Variants in SPRED1 observed in about 807,000 individuals in gnomAD.
The protein encoded by SPRED1 is sprouty related EVH1 domain containing 1.
SPRED1 carries 18 observed loss-of-function variants against 52.3 expected under a neutral mutation model. The ratio of observed to expected loss-of-function variants is 0.34; its 90% CI spans 0.24 to 0.51. The LOEUF is 0.51. Ranked by LOEUF, SPRED1 falls within the 20% of genes least tolerant of loss-of-function variation. SPRED1 has a pLI of 0.97. For missense variants in SPRED1, 485 were observed against 551.0 expected (o/e 0.88, Z 1.20); for synonymous variants, 155 against 179.7 (o/e 0.86, Z 1.10).
chr15:38,264,893 C>G (rs4923783), intron 1 of SPRED1, among the ~76,000 whole-genome samples: 1 of 152,018 alleles, frequency 6.6e-6, no homozygotes, highest in Non-Finnish European at 1.5e-5. Context: ...TGAGAATTAG[C>G]AAGTAGAGGG....
chr15:38,314,126 G>A (rs1895423269), intron 2 of SPRED1, among the ~76,000 whole-genome samples: 1 of 151,802 alleles, frequency 6.6e-6, no homozygotes, highest in Admixed American at 6.6e-5. Context: ...ATTTACCTAA[G>A]TGTTCCACAT....
chr15:38,339,618 G>C (rs946857479), intron 4 of SPRED1, 119 bp from the exon 5 acceptor site: 6 of 973,746 alleles, frequency 6.2e-6, no homozygotes, highest in Non-Finnish European at 9.7e-6. Context: ...TATTCATAGC[G>C]ATGGTAGCGA....
chr15:38,352,329 T>C lies in SPRED1; in HGVS notation c.*665T>C, dbSNP rs755236404. ...TAATAATGTTTTTATTCCATGCGAA[T>C]GATTTGATATTTTCATCCTTATTTC... On this transcript the variant is annotated 3_prime_UTR_variant, in exon 7 of 7. Transcript: ENST00000299084. The C allele has an allele frequency of 2.6e-5, 4 of 152,504 alleles. No individual in the cohort carries two copies. The highest frequency in any genetic ancestry group is 5.9e-5 in the Non-Finnish European group (4 of 68,004). The allele number at this position is 152,504 out of a possible 1,614,324, so 9.4% of individuals were successfully genotyped here.
intron 1 of SPRED1, among the ~76,000 whole-genome samples, chr15:38,268,484 T>C (rs908466166): frequency 1.3e-5 from 2 of 152,194 alleles, no homozygotes; most frequent in Non-Finnish European, 2.9e-5. Flanking sequence ...CTAAGTTGTT[T>C]TGTGAAAAGT....
chr15:38,263,428 A>G, intron 1 of SPRED1, among the ~76,000 whole-genome samples: 1 of 152,186 alleles, frequency 6.6e-6, no homozygotes, highest in South Asian at 2.1e-4. Context: ...AAAATTTCCC[A>G]TTGAGAATAT....
intron 5 of SPRED1, among the ~76,000 whole-genome samples, chr15:38,345,835 C>T (rs1211835150): frequency 2.0e-5 from 3 of 152,128 alleles, no homozygotes; most frequent in Non-Finnish European, 2.9e-5. Flanking sequence ...AAAGGGGAAA[C>T]ACTGTGTCTT....
chr15:38,305,342 C>CA (rs371313597), intron 2 of SPRED1, among the ~76,000 whole-genome samples: 38 of 131,654 alleles, frequency 2.9e-4, no homozygotes, highest in African/African-American at 8.0e-4. Context: ...AAATAAAAAA[C>CA]AAAAAAAAAA....
chr15:38,309,545 G>T (rs1421193727), intron 2 of SPRED1, among the ~76,000 whole-genome samples: 1 of 152,170 alleles, frequency 6.6e-6, no homozygotes, highest in Non-Finnish European at 1.5e-5. Flanking sequence ...TCTGTAGCTT[G>T]TCTTTTCATC....
At position 38,292,479 on chromosome 15, in the gene SPRED1, A is replaced by T. The variant is rs559789247; in HGVS notation, c.33-6894A>T. Among the ~76,000 whole-genome samples the T allele has an allele frequency of 3.3e-5, 5 of 152,302 alleles. No individual in the cohort carries two copies. In the East Asian group the frequency reaches 9.6e-4, roughly 29 times the overall value. On this transcript the variant is annotated intron_variant, in intron 1 of 6. Transcript: ENST00000299084. ...CATACTCGAGACTGGGAAGAAAAAG[A>T]GGTTTAATTGGACTTAACAATTCCA...
At chr15:38,294,718 G>A (rs1894997626) in intron 1 of SPRED1, among the ~76,000 whole-genome samples, 1 of 152,178 alleles carries the variant, frequency 6.6e-6, no homozygotes, top group South Asian at 2.1e-4. Flanking sequence ...TGTTAGAAAT[G>A]TATCCAAATT....
intron 5 of SPRED1, among the ~76,000 whole-genome samples, chr15:38,340,185 A>C (rs987296970): frequency 6.6e-6 from 1 of 152,202 alleles, no homozygotes; most frequent in Non-Finnish European, 1.5e-5. Context: ...AATATTTATC[A>C]TTAATTATGA....
chr15:38,264,530 A>T (rs1894265648), intron 1 of SPRED1, among the ~76,000 whole-genome samples: 1 of 151,274 alleles, frequency 6.6e-6, no homozygotes, highest in Admixed American at 6.6e-5. Context: ...AACAGGGATG[A>T]AGGTTATTGG....
chr15:38,283,634 T>A, intron 1 of SPRED1: 1 of 473,446 alleles, frequency 2.1e-6, no homozygotes, highest in Non-Finnish European at 2.8e-6. Context: ...TTTATATAAG[T>A]GAAGCTGAGA....
intron 1 of SPRED1, among the ~76,000 whole-genome samples, chr15:38,253,474 A>G (rs186411993): frequency 1.3e-5 from 2 of 152,206 alleles, no homozygotes. Context: ...ATGAGAGGGA[A>G]TAATGTGGAT....
intron 2 of SPRED1, among the ~76,000 whole-genome samples, chr15:38,317,528 A>G (rs1357334159): frequency 6.6e-6 from 1 of 151,964 alleles, no homozygotes; most frequent in Non-Finnish European, 1.5e-5. Flanking sequence ...AAATATGGTA[A>G]TTCAGCATTG....
intron 5 of SPRED1, among the ~76,000 whole-genome samples, chr15:38,341,397 T>G (rs1896026976): frequency 6.6e-6 from 1 of 151,958 alleles, no homozygotes; most frequent in African/African-American, 2.4e-5. Context: ...TTTCTTGATG[T>G]TTTTTTCAGC....
rs113577340 is a variant in SPRED1, at chr15:38,275,120, T to C, written c.32+21903T>C. Among the ~76,000 whole-genome samples, 123 of 152,356 alleles carry C rather than the reference T, an allele frequency of 8.1e-4. 2 individuals are homozygous for C. Among genetic ancestry groups the C allele is most frequent in the African/African-American group, 2.8e-3 (118 of 41,568 alleles). On this transcript the variant is annotated intron_variant, in intron 1 of 6. Transcript: ENST00000299084. ...TGTGATGTTTGCCAAATGATTTTTT[T>C]TCTACTTCCGTCATTCCTTCTGCTT...
chr15:38,308,681 C>A (rs1895302239), intron 2 of SPRED1, among the ~76,000 whole-genome samples: 2 of 152,072 alleles, frequency 1.3e-5, no homozygotes, highest in African/African-American at 2.4e-5. Flanking sequence ...GAGTTTGTTC[C>A]TTTTATTGTT....
At chr15:38,260,302 G>A (rs752772210) in intron 1 of SPRED1, among the ~76,000 whole-genome samples, 4 of 152,160 alleles carry the variant, frequency 2.6e-5, no homozygotes, top group Non-Finnish European at 4.4e-5. Flanking sequence ...GCTTGGAGCT[G>A]CATAATTCCA....
Sources: allele counts gnomAD v4.1 joint callset (sites outside exome capture counted in the v4.1 genomes callset), GRCh38; gene constraint gnomAD v4.1.1; transcripts MANE v1.5; gene names NCBI Gene and HGNC (gene_info 2026-07-23, HGNC 2026-07-21).